The following ELP4 variants were observed in gnomAD, a reference collection of about 807,000 sequenced individuals.
ELP4 encodes the protein elongator acetyltransferase complex subunit 4.
Under a neutral mutation model 48.9 loss-of-function variants are expected in ELP4, and 51 were observed. The observed-to-expected ratio is 1.04, with a 90% CI of 0.83 to 1.32. The LOEUF is 1.32. ELP4 is among the 40% of genes most tolerant of loss of function. The pLI is 0.00. For missense variants in ELP4, 519 were observed against 514.6 expected (o/e 1.01, Z -0.08); for synonymous variants, 210 against 189.2 (o/e 1.11, Z -0.90).
intron 9 of ELP4, among the ~76,000 whole-genome samples, chr11:31,733,553 G>T (rs1947242335): frequency 6.6e-6 from 1 of 151,650 alleles, no homozygotes; most frequent in Non-Finnish European, 1.5e-5. Context: ...AAGTAAAAAG[G>T]ATTAAAAGAG....
chr11:31,741,515 C>A (rs1011544110), intron 9 of ELP4, among the ~76,000 whole-genome samples: 2 of 152,184 alleles, frequency 1.3e-5, no homozygotes, highest in Non-Finnish European at 2.9e-5. Flanking sequence ...CGGACTGACA[C>A]CTCACACAGC....
At chr11:31,692,678 C>T (rs1946304253) in intron 9 of ELP4, among the ~76,000 whole-genome samples, 1 of 152,104 alleles carries the variant, frequency 6.6e-6, no homozygotes, top group Non-Finnish European at 1.5e-5. Context: ...TTTTCCTGTG[C>T]TCTACTTAAT....
chr11:31,770,943 T>A (rs746318010), intron 9 of ELP4, among the ~76,000 whole-genome samples: 1 of 151,968 alleles, frequency 6.6e-6, no homozygotes, highest in Non-Finnish European at 1.5e-5. Context: ...TCTTTGTCAA[T>A]GCATAAAATA....
intron 9 of ELP4, among the ~76,000 whole-genome samples, chr11:31,775,826 G>A (rs996711738): frequency 5.3e-5 from 8 of 152,072 alleles, no homozygotes; most frequent in South Asian, 4.1e-4. Context: ...TTAGCTGGGC[G>A]TGGTAGCACA....
At chr11:31,655,307 G>A (rs1157871469) in intron 9 of ELP4, among the ~76,000 whole-genome samples, 1 of 151,752 alleles carries the variant, frequency 6.6e-6, no homozygotes, top group East Asian at 1.9e-4. Flanking sequence ...ACCACCTTAA[G>A]GAGAACACAG....
intron 5 of ELP4, among the ~76,000 whole-genome samples, chr11:31,623,496 A>T (rs1005725034): frequency 6.7e-6 from 1 of 149,164 alleles, no homozygotes; most frequent in East Asian, 2.0e-4. Context: ...TTAATCCCAT[A>T]TATTCAAAAA....
Position 31,723,457 on chromosome 11 carries a change from A to G in ELP4, c.1144-59936A>G, listed in dbSNP as rs898332346. 3.3e-5 allele frequency among the ~76,000 whole-genome samples: 5 copies of G among 152,250 alleles called. No individual in the cohort carries two copies. In the East Asian group the frequency reaches 9.7e-4, roughly 30 times the overall value. ...AATTTCATGACAGCAAACACAGAACATTAAACCCCAAACACAGGACCCTTC... is the reference window on the plus strand; with the variant it reads ...AATTTCATGACAGCAAACACAGAACGTTAAACCCCAAACACAGGACCCTTC... On this transcript the variant is annotated intron_variant, in intron 9 of 9. Coordinates refer to ENST00000640961, the MANE Select transcript of ELP4 (RefSeq NM_019040.5).
intron 7 of ELP4, among the ~76,000 whole-genome samples, chr11:31,638,227 C>G (rs1345190808): frequency 6.6e-6 from 1 of 151,734 alleles, no homozygotes; most frequent in Non-Finnish European, 1.5e-5. Flanking sequence ...CATTCTGGAT[C>G]ATAGAATATG....
In ELP4 at chr11:31,603,871, C is replaced by A. The variant is rs757025841; in HGVS notation, c.617C>A (p.Pro206Gln). The part of the protein sequence containing the change: ...EASNWHGFFL[P>Q]EKISSTLKVE... ...TCAAATTGGCATGGATTTTTTCTTC[C>A]AGAGAAAATATCTTCAACTCTCAAA... Residue 206 changes from proline to glutamine, a missense_variant, in exon 5 of 10, where the codon CCA (proline) becomes CAA (glutamine). Pro to Gln is a moderately conservative substitution (Grantham distance 76). Coordinates refer to ENST00000640961, the MANE Select transcript of ELP4 (RefSeq NM_019040.5). 5 of 1,611,590 alleles carry A rather than the reference C, an allele frequency of 3.1e-6. No homozygotes were observed. In the South Asian group the frequency reaches 5.5e-5, roughly 18 times the overall value.
At chr11:31,633,262 T>G (rs2760085) in intron 7 of ELP4, 55,489 of 151,966 alleles carry the variant, frequency 0.37, 12,167 homozygotes, top group East Asian at 0.63. Context: ...ATACAGCATA[T>G]ATAGCAAATA....
At chr11:31,699,170 T>C (rs1053996228) in intron 9 of ELP4, among the ~76,000 whole-genome samples, 1 of 152,060 alleles carries the variant, frequency 6.6e-6, no homozygotes, top group Non-Finnish European at 1.5e-5. Context: ...CTGAGTCTCT[T>C]CCTCCACAAA....
intron 9 of ELP4, among the ~76,000 whole-genome samples, chr11:31,675,392 G>A (rs1945901143): frequency 6.6e-6 from 1 of 151,848 alleles, no homozygotes; most frequent in Non-Finnish European, 1.5e-5. Context: ...AGCCTCCCAA[G>A]TAGCTGGGAT....
intron 4 of ELP4, among the ~76,000 whole-genome samples, chr11:31,603,251 A>G (rs1332283715): frequency 6.6e-6 from 1 of 151,826 alleles, no homozygotes; most frequent in Non-Finnish European, 1.5e-5. Context: ...TTTGCAAGAA[A>G]TGTTTAATAT....
intron 9 of ELP4, among the ~76,000 whole-genome samples, chr11:31,680,425 C>T (rs867552225): frequency 6.6e-6 from 1 of 152,054 alleles, no homozygotes; most frequent in South Asian, 2.1e-4. Flanking sequence ...CAAATTTACC[C>T]TAGAGCATTG....
intron 9 of ELP4, among the ~76,000 whole-genome samples, chr11:31,770,836 GAAAA>G (rs60053913): frequency 2.7e-4 from 14 of 51,586 alleles, no homozygotes; most frequent in Non-Finnish European, 5.0e-4. Flanking sequence ...TGTCAAAAAA[GAAAA>G]AAAAAAAAAC....
At chr11:31,777,127 A>G (rs905212979) in intron 9 of ELP4, among the ~76,000 whole-genome samples, 2 of 152,218 alleles carry the variant, frequency 1.3e-5, no homozygotes, top group African/African-American at 4.8e-5. Context: ...AGTACTACAA[A>G]TATAACAATA....
chr11:31,534,748 A>T (rs1956470855), intron 2 of ELP4, among the ~76,000 whole-genome samples: 2 of 152,242 alleles, frequency 1.3e-5, no homozygotes, highest in South Asian at 4.1e-4. Flanking sequence ...CTTAGAAATT[A>T]AAAATTTTAA....
intron 3 of ELP4, among the ~76,000 whole-genome samples, chr11:31,550,931 C>A (rs755371410): frequency 6.6e-6 from 1 of 152,174 alleles, no homozygotes; most frequent in Non-Finnish European, 1.5e-5. Context: ...TTCATCACTT[C>A]GACTTGCTAG....
At chr11:31,683,439 A>G (rs1339005422) in intron 9 of ELP4, among the ~76,000 whole-genome samples, 1 of 152,210 alleles carries the variant, frequency 6.6e-6, no homozygotes, top group Non-Finnish European at 1.5e-5. Context: ...ATACTGTTGA[A>G]GTTTCAAATT....
Sources: allele counts gnomAD v4.1 joint callset (sites outside exome capture counted in the v4.1 genomes callset), GRCh38; gene constraint gnomAD v4.1.1; transcripts MANE v1.5; gene names NCBI Gene and HGNC (gene_info 2026-07-23, HGNC 2026-07-21).